THSD7B: variants seen among roughly 807,000 people sequenced by gnomAD.
THSD7B encodes the protein thrombospondin type 1 domain containing 7B, also known as thrombospondin type-1 domain-containing protein 7B.
Under a neutral mutation model 213.6 loss-of-function variants are expected in THSD7B, and 138 were observed. The ratio of observed to expected loss-of-function variants is 0.65; its 90% CI spans 0.56 to 0.74. The LOEUF (loss-of-function observed/expected upper bound fraction) is 0.74, where lower values mean the gene tolerates loss of function less well. Ranked by LOEUF, THSD7B falls within the 30% of genes least tolerant of loss-of-function variation. The pLI is 0.00. For missense variants in THSD7B, 1,931 were observed against 1,991.5 expected (o/e 0.97, Z 0.58); for synonymous variants, 742 against 687.0 (o/e 1.08, Z -1.25).
At chr2:137,041,068 G>A (rs1296846102) in intron 2 of THSD7B, among the ~76,000 whole-genome samples, 2 of 152,092 alleles carry the variant, frequency 1.3e-5, no homozygotes, top group African/African-American at 4.8e-5. Flanking sequence ...ATTGATTTTT[G>A]GAGAACAAGG....
At chr2:137,287,043 G>T (rs1343374315) in intron 12 of THSD7B, among the ~76,000 whole-genome samples, 2 of 152,072 alleles carry the variant, frequency 1.3e-5, no homozygotes, top group African/African-American at 4.8e-5. Flanking sequence ...TTTAGTAACT[G>T]TGTTCACAGC....
intron 12 of THSD7B, among the ~76,000 whole-genome samples, chr2:137,277,514 C>A (rs181355371): frequency 1.6e-4 from 25 of 152,044 alleles, no homozygotes; most frequent in African/African-American, 5.5e-4. Flanking sequence ...AAATTAAGAA[C>A]CATAAAGGAA....
chr2:137,404,452 T>C (rs1558785733), intron 12 of THSD7B, among the ~76,000 whole-genome samples: 1 of 104,644 alleles, frequency 9.6e-6, no homozygotes, highest in East Asian at 2.5e-4. Context: ...TATATATATA[T>C]ATATATATAT....
At chr2:136,946,746 C>T (rs764999405) in intron 2 of THSD7B, among the ~76,000 whole-genome samples, 28 of 152,324 alleles carry the variant, frequency 1.8e-4, no homozygotes, top group African/African-American at 5.5e-4. Flanking sequence ...CAGTCTACTG[C>T]GCTAGCAGTG....
intron 15 of THSD7B, among the ~76,000 whole-genome samples, chr2:137,533,581 TTG>T (rs1680442107): frequency 6.6e-6 from 1 of 151,984 alleles, no homozygotes; most frequent in Admixed American, 6.6e-5. Context: ...TACATAGGCT[TTG>T]TTTAGTGACC....
intron 21 of THSD7B, among the ~76,000 whole-genome samples, chr2:137,646,675 T>G (rs950988309): frequency 2.7e-5 from 4 of 147,422 alleles, no homozygotes; most frequent in Non-Finnish European, 6.0e-5. Context: ...ATAATAATAA[T>G]AATAATAAAC....
At chr2:137,176,778 T>C (rs1013685148) in intron 7 of THSD7B, among the ~76,000 whole-genome samples, 1 of 152,186 alleles carries the variant, frequency 6.6e-6, no homozygotes, top group African/African-American at 2.4e-5. Flanking sequence ...CCAGCTTCTT[T>C]CTTCTCAGTT....
At chr2:136,811,103 A>G (rs1385275060) in intron 1 of THSD7B, among the ~76,000 whole-genome samples, 1 of 152,088 alleles carries the variant, frequency 6.6e-6, no homozygotes, top group African/African-American at 2.4e-5. Flanking sequence ...TCCCCTGAGA[A>G]GGATTAATCC....
At chr2:136,959,904 C>A (rs943600167) in intron 2 of THSD7B, among the ~76,000 whole-genome samples, 1 of 152,082 alleles carries the variant, frequency 6.6e-6, no homozygotes, top group Non-Finnish European at 1.5e-5. Context: ...GGAAAAGGAC[C>A]AGGACACTTG....
intron 15 of THSD7B, among the ~76,000 whole-genome samples, chr2:137,529,905 T>C (rs1427071018): frequency 6.6e-6 from 1 of 151,972 alleles, no homozygotes; most frequent in Non-Finnish European, 1.5e-5. Context: ...TCAATTAACA[T>C]TAAAAGGGAG....
At chr2:137,315,008 G>A (rs914876782) in intron 12 of THSD7B, among the ~76,000 whole-genome samples, 2 of 152,216 alleles carry the variant, frequency 1.3e-5, no homozygotes, top group Non-Finnish European at 2.9e-5. Context: ...AGGCAGGCAG[G>A]CCTCCTTGAG....
chr2:137,570,829 C>T (rs1277049774), intron 16 of THSD7B, among the ~76,000 whole-genome samples: 3 of 152,158 alleles, frequency 2.0e-5, no homozygotes, highest in Non-Finnish European at 4.4e-5. Context: ...CAGGCGAGGA[C>T]TTAGTATGTA....
intron 15 of THSD7B, among the ~76,000 whole-genome samples, chr2:137,541,436 A>T (rs2105192575): frequency 6.6e-6 from 1 of 151,862 alleles, no homozygotes; most frequent in South Asian, 2.1e-4. Flanking sequence ...TTGACAAATA[A>T]TGGTAAATAT....
At chr2:137,452,224 C>A (rs1440901469) in intron 15 of THSD7B, among the ~76,000 whole-genome samples, 1 of 151,610 alleles carries the variant, frequency 6.6e-6, no homozygotes, top group African/African-American at 2.4e-5. Context: ...AAAATAATGA[C>A]CATAGTTTAT....
intron 15 of THSD7B, among the ~76,000 whole-genome samples, chr2:137,510,763 G>A (rs149875120): frequency 2.0e-5 from 3 of 152,072 alleles, no homozygotes; most frequent in African/African-American, 7.2e-5. Context: ...TATATGATTT[G>A]TCATTTTTCT....
intron 20 of THSD7B, among the ~76,000 whole-genome samples, chr2:137,640,827 C>T (rs936411020): frequency 8.5e-5 from 13 of 152,096 alleles, no homozygotes; most frequent in African/African-American, 3.1e-4. Flanking sequence ...ATAAATTAAA[C>T]ATATAGTCCA....
At chr2:137,319,055 G>A (rs1046339735) in intron 12 of THSD7B, among the ~76,000 whole-genome samples, 9 of 151,608 alleles carry the variant, frequency 5.9e-5, no homozygotes, top group East Asian at 1.9e-4. Context: ...TCATTTACTC[G>A]TCTTACTGTT....
intron 15 of THSD7B, among the ~76,000 whole-genome samples, chr2:137,477,645 T>C (rs75240703): frequency 0.047 from 7,170 of 152,098 alleles, 586 homozygotes; most frequent in African/African-American, 0.16. Context: ...TGGGTTTTTA[T>C]AGTGATAACA....
chr2:137,547,334 A>G (rs1023569255), intron 15 of THSD7B, among the ~76,000 whole-genome samples: 2 of 152,028 alleles, frequency 1.3e-5, no homozygotes, highest in African/African-American at 4.8e-5. Flanking sequence ...TTCAAAAGCC[A>G]TTTTGTACTG....
Sources: allele counts gnomAD v4.1 joint callset (sites outside exome capture counted in the v4.1 genomes callset), GRCh38; gene constraint gnomAD v4.1.1; transcripts MANE v1.5; gene names NCBI Gene and HGNC (gene_info 2026-07-23, HGNC 2026-07-21).